The following FBLN2 variants were observed in gnomAD, a reference collection of about 807,000 sequenced individuals.
The protein encoded by FBLN2 is fibulin-2.
In FBLN2, 81 loss-of-function variants were observed where a neutral mutation model predicts 123.7. The observed-to-expected ratio is 0.65, with a 90% CI of 0.55 to 0.79. The LOEUF (loss-of-function observed/expected upper bound fraction) is 0.79. Among genes scored for constraint, FBLN2 ranks in the 30% least tolerant of loss-of-function variants. FBLN2 has a pLI of 0.00. For synonymous variants in FBLN2, 699 were observed against 701.4 expected (o/e 1.00, Z 0.05); for missense variants, 1,603 against 1,681.3 (o/e 0.95, Z 0.81).
intron 2 of FBLN2, among the ~76,000 whole-genome samples, chr3:13,585,257 G>A (rs990670691): frequency 2.0e-5 from 3 of 152,204 alleles, no homozygotes; most frequent in African/African-American, 7.2e-5. Context: ...CGTGAGGCTG[G>A]TGAGCGTGTT....
At chr3:13,587,826 C>T (rs1441953998) in intron 2 of FBLN2, among the ~76,000 whole-genome samples, 2 of 152,238 alleles carry the variant, frequency 1.3e-5, no homozygotes, top group Admixed American at 6.5e-5. Flanking sequence ...CAATTGTCAA[C>T]CACAAAATGT....
intron 2 of FBLN2, among the ~76,000 whole-genome samples, chr3:13,579,741 G>A (rs1704262041): frequency 2.6e-5 from 4 of 152,222 alleles, no homozygotes; most frequent in African/African-American, 4.8e-5. Context: ...CTTAAAAAGC[G>A]ATGCTGCTGT....
chr3:13,555,481 G>A (rs893570818), intron 1 of FBLN2, among the ~76,000 whole-genome samples: 5 of 151,380 alleles, frequency 3.3e-5, no homozygotes, highest in African/African-American at 1.2e-4. Context: ...TTGAGATGGA[G>A]TCTCGCTATG....
chr3:13,578,872 T>C (rs1165830119), intron 2 of FBLN2, among the ~76,000 whole-genome samples: 1 of 151,504 alleles, frequency 6.6e-6, no homozygotes, highest in Admixed American at 6.6e-5. Context: ...CTGACCAACA[T>C]GGAGAAACCC....
chr3:13,617,930 C>CCATCCATCCTGCTT (rs940245609), intron 5 of FBLN2, 146 bp from the exon 6 acceptor site: 1 of 630,994 alleles, frequency 1.6e-6, no homozygotes, highest in African/African-American at 1.8e-5. Context: ...ACCCACCCAT[C>CCATCCATCCTGCTT]CATCCATCCT....
chr3:13,550,932 T>G (rs1703304916), intron 1 of FBLN2, among the ~76,000 whole-genome samples: 1 of 152,238 alleles, frequency 6.6e-6, no homozygotes, highest in African/African-American at 2.4e-5. Context: ...ATTTACAAAT[T>G]GGCAGTTTTC....
chr3:13,562,390 C>G (rs1232286243), intron 1 of FBLN2, among the ~76,000 whole-genome samples: 1 of 149,002 alleles, frequency 6.7e-6, no homozygotes, highest in Admixed American at 6.7e-5. Flanking sequence ...GGAGTCTTGC[C>G]GTGTCGCCCA....
chr3:13,556,250 C>A (rs567651021), intron 1 of FBLN2, among the ~76,000 whole-genome samples: 2 of 151,978 alleles, frequency 1.3e-5, no homozygotes, highest in Admixed American at 6.6e-5. Context: ...CCCTAGATTT[C>A]GTTCCTGGTG....
chr3:13,613,440 C>T (rs1384483893), intron 4 of FBLN2, among the ~76,000 whole-genome samples: 2 of 152,092 alleles, frequency 1.3e-5, no homozygotes, highest in Non-Finnish European at 2.9e-5. Context: ...TCTTTAGGAA[C>T]CTAGTCTTCT....
intron 2 of FBLN2, among the ~76,000 whole-genome samples, chr3:13,593,620 G>T (rs1574967501): frequency 6.6e-6 from 1 of 150,714 alleles, no homozygotes; most frequent in Non-Finnish European, 1.5e-5. Context: ...AGGCTGAGGC[G>T]GGAGAATTGC....
At chr3:13,629,434 G>T in intron 13 of FBLN2, 142 bp downstream of exon 13, 1 of 1,195,448 alleles carries the variant, frequency 8.4e-7, no homozygotes, top group South Asian at 1.6e-5. Context: ...CTTCCAGCTG[G>T]CCTCATCCTC....
intron 4 of FBLN2, among the ~76,000 whole-genome samples, chr3:13,611,406 G>A (rs13083986): frequency 0.014 from 2,161 of 152,196 alleles, 29 homozygotes; most frequent in Non-Finnish European, 0.023. Flanking sequence ...AGCTGAAACT[G>A]TTCCCATTAA....
At chr3:13,570,133 G>C (rs1703881462) in intron 1 of FBLN2, among the ~76,000 whole-genome samples, 182 bp from the exon 2 acceptor site, 1 of 152,202 alleles carries the variant, frequency 6.6e-6, no homozygotes, top group South Asian at 2.1e-4. Flanking sequence ...ACCTGTGTGT[G>C]ATCTGACCCA....
At chr3:13,596,518 G>C (rs1208826190) in intron 2 of FBLN2, among the ~76,000 whole-genome samples, 1 of 152,118 alleles carries the variant, frequency 6.6e-6, no homozygotes, top group East Asian at 1.9e-4. Context: ...AGAATTGCAG[G>C]GTCACAAATT....
At chr3:13,622,861 G>A (rs901258222) in intron 9 of FBLN2, among the ~76,000 whole-genome samples, 20 of 152,374 alleles carry the variant, frequency 1.3e-4, no homozygotes, top group South Asian at 2.1e-4. Flanking sequence ...AGAGACACGC[G>A]CAGAGGGCGA....
intron 11 of FBLN2, among the ~76,000 whole-genome samples, chr3:13,628,585 G>A (rs1706131222): frequency 6.6e-6 from 1 of 152,218 alleles, no homozygotes; most frequent in South Asian, 2.1e-4. Context: ...TCTTGTTAAT[G>A]TGCTGTGCTT....
At chr3:13,606,493 A>G (rs1053077787) in intron 2 of FBLN2, among the ~76,000 whole-genome samples, 1 of 152,246 alleles carries the variant, frequency 6.6e-6, no homozygotes, top group East Asian at 1.9e-4. Flanking sequence ...AACCTTGAAC[A>G]ACTCAGGAGT....
intron 2 of FBLN2, among the ~76,000 whole-genome samples, chr3:13,571,945 G>A (rs1449430116): frequency 6.6e-6 from 1 of 152,176 alleles, no homozygotes; most frequent in Non-Finnish European, 1.5e-5. Flanking sequence ...TCCAGAAGGT[G>A]CACATCTTCA....
intron 14 of FBLN2, 54 bp downstream of exon 14, chr3:13,629,999 ACCCG>A: frequency 6.3e-7 from 1 of 1,586,146 alleles, no homozygotes; most frequent in South Asian, 1.1e-5. Context: ...TAGTGGGCAG[ACCCG>A]CCGTGGAAGG....
Sources: gnomAD v4.1 joint callset for allele counts (sites outside exome capture counted in the v4.1 genomes callset) on GRCh38, gnomAD v4.1.1 for gene constraint, MANE v1.5 for transcripts, NCBI Gene and HGNC (gene_info 2026-07-23, HGNC 2026-07-21) for gene names.